Variants in PLEKHA7 observed in about 807,000 individuals in gnomAD.
The protein encoded by PLEKHA7 is pleckstrin homology domain containing A7.
Under a neutral mutation model 170.0 loss-of-function variants are expected in PLEKHA7, and 104 were observed. The ratio of observed to expected loss-of-function variants is 0.61; its 90% CI spans 0.52 to 0.72. The LOEUF (loss-of-function observed/expected upper bound fraction) is 0.72. Ranked by LOEUF, PLEKHA7 falls within the 30% of genes least tolerant of loss-of-function variation. The probability of loss-of-function intolerance (pLI) is 0.00; values close to 1 mark genes in which losing one functional copy is unlikely to be tolerated. For missense variants in PLEKHA7, 1,615 were observed against 1,671.7 expected (o/e 0.97, Z 0.59); for synonymous variants, 648 against 660.8 (o/e 0.98, Z 0.30).
rs1848821815 is a variant in PLEKHA7 at position 16,778,912 on chromosome 11, G to C, written c.*86C>G. On this transcript the variant is annotated 3_prime_UTR_variant, in exon 27 of 27. Coordinates refer to ENST00000531066, the MANE Select transcript of PLEKHA7 (RefSeq NM_001329630.2). ...GCCGGATTCCCTGCTCAGCTGGAAGGGGTTTCCTTGGGGGCAGAAAGGTCA... is the reference window on the plus strand; with the variant it reads ...GCCGGATTCCCTGCTCAGCTGGAAGCGGTTTCCTTGGGGGCAGAAAGGTCA... 2 of 701,806 alleles carry C rather than the reference G, an allele frequency of 2.8e-6. No homozygotes were observed. The highest frequency in any genetic ancestry group is 5.2e-6 in the Non-Finnish European group (2 of 384,558). 43.5% of individuals were successfully genotyped at this position (701,806 alleles called of 1,614,324 possible). A position where few individuals can be genotyped will look rare whatever the true frequency, so the allele number is the denominator to read the frequency against.
At chr11:16,891,378 T>A (rs762950746) in intron 3 of PLEKHA7, among the ~76,000 whole-genome samples, 1 of 152,160 alleles carries the variant, frequency 6.6e-6, no homozygotes, top group Non-Finnish European at 1.5e-5. Flanking sequence ...AGGCCAGGAA[T>A]GCCAAGAATT....
chr11:16,851,064 T>G (rs944712525), intron 8 of PLEKHA7, 127 bp downstream of exon 8: 27 of 603,226 alleles, frequency 4.5e-5, no homozygotes, highest in Admixed American at 7.4e-5. Flanking sequence ...CTTACAACTT[T>G]GTTAACCGGA....
intron 3 of PLEKHA7, among the ~76,000 whole-genome samples, chr11:16,903,127 T>G (rs577920221): frequency 3.3e-5 from 5 of 152,362 alleles, no homozygotes; most frequent in African/African-American, 1.2e-4. Context: ...AATCATGATG[T>G]AAACACCTAG....
rs781190833 is a variant in PLEKHA7, at chr11:17,014,160, C to G, written c.128G>C (p.Gly43Ala). The G allele has an allele frequency of 3.7e-6, 6 of 1,601,862 alleles. No individual in the cohort carries two copies. In the African/African-American group the frequency reaches 6.8e-5, roughly 18 times the overall value. ...RCTTWLHPRT[G>A]EPVNSGHMIR... Reference sequence around the variant, plus strand: ...CATGTGGCCCGAGTTGACGGGCTCCCCGGTGCGCGGATGCAGCCAGGTCGT... The same window carrying G: ...CATGTGGCCCGAGTTGACGGGCTCCGCGGTGCGCGGATGCAGCCAGGTCGT... The change falls in exon 2 of 27, where the codon GGG becomes GCG. Residue 43 changes from glycine to alanine, a missense_variant. Transcript: ENST00000531066.
At chr11:16,888,330 C>T (rs1295666764) in intron 3 of PLEKHA7, among the ~76,000 whole-genome samples, 1 of 14,138 alleles carries the variant, frequency 7.1e-5, no homozygotes, top group Admixed American at 5.4e-4. Flanking sequence ...GCCGGCACCC[C>T]GTCTGGGAGG....
At chr11:16,808,051 T>A (rs1357933554) in intron 13 of PLEKHA7, among the ~76,000 whole-genome samples, 2 of 152,232 alleles carry the variant, frequency 1.3e-5, no homozygotes, top group Non-Finnish European at 1.5e-5. Context: ...GTGGTGCAGA[T>A]CTGGGGTGGG....
At chr11:16,846,558 T>C (rs1356945607) in intron 8 of PLEKHA7, among the ~76,000 whole-genome samples, 1 of 152,134 alleles carries the variant, frequency 6.6e-6, no homozygotes, top group Non-Finnish European at 1.5e-5. Flanking sequence ...TATAAGGCCA[T>C]GTGAGGATGA....
At chr11:16,977,045 C>G (rs1264479582) in intron 3 of PLEKHA7, among the ~76,000 whole-genome samples, 1 of 152,148 alleles carries the variant, frequency 6.6e-6, no homozygotes, top group Non-Finnish European at 1.5e-5. Flanking sequence ...GCACCTCAGC[C>G]AGAGCATCCC....
chr11:16,977,533 G>T (rs1276066012), intron 3 of PLEKHA7, among the ~76,000 whole-genome samples: 1 of 152,134 alleles, frequency 6.6e-6, no homozygotes, highest in Non-Finnish European at 1.5e-5. Flanking sequence ...TCAACCAAAT[G>T]GTTAAATAGA....
chr11:16,881,657 C>T (rs1855724677), intron 3 of PLEKHA7: 1 of 152,230 alleles, frequency 6.6e-6, no homozygotes, highest in African/African-American at 2.4e-5. Context: ...CCTCTAGAAC[C>T]AGGACATAAA....
intron 3 of PLEKHA7, chr11:16,881,554 G>A (rs1855715194): frequency 6.6e-6 from 1 of 152,232 alleles, no homozygotes; most frequent in African/African-American, 2.4e-5. Flanking sequence ...CTGTGGCCAA[G>A]GGGAGCAGTG....
chr11:16,892,435 T>TGTGTGTGTGTGTGTGTG (rs1554964897), intron 3 of PLEKHA7, among the ~76,000 whole-genome samples: 2,938 of 97,420 alleles, frequency 0.03, 68 homozygotes, highest in Non-Finnish European at 0.041. Context: ...TGTGTGTGTG[T>TGTGTGTGTGTGTGTGTG]TTTGTTTTGT....
intron 4 of PLEKHA7, among the ~76,000 whole-genome samples, chr11:16,864,836 G>A (rs1277621359): frequency 1.3e-5 from 2 of 152,170 alleles, no homozygotes; most frequent in African/African-American, 4.8e-5. Context: ...AGCAACATGA[G>A]AACAGACTAA....
chr11:16,961,056 G>A (rs891887703), intron 3 of PLEKHA7, among the ~76,000 whole-genome samples: 1 of 152,190 alleles, frequency 6.6e-6, no homozygotes, highest in Admixed American at 6.5e-5. Context: ...TGCCCAAGAG[G>A]GGGTCTCTGT....
chr11:17,007,167 G>A (rs1232603445), intron 3 of PLEKHA7, among the ~76,000 whole-genome samples: 4 of 152,132 alleles, frequency 2.6e-5, no homozygotes, highest in African/African-American at 9.7e-5. Context: ...ATGGTGTCTT[G>A]GAGTGGGGCA....
chr11:16,837,122 C>G (rs527982291), intron 9 of PLEKHA7, among the ~76,000 whole-genome samples: 1 of 152,146 alleles, frequency 6.6e-6, no homozygotes, highest in East Asian at 1.9e-4. Flanking sequence ...CTGCACCTGG[C>G]CTGTGTTTTT....
Position 17,007,329 on chromosome 11 carries a change from ATTTTTTTTTTGAGACAGAGTT to A in PLEKHA7, c.221+6639_221+6659del, listed in dbSNP as rs1365931078. 3.8e-4 allele frequency among the ~76,000 whole-genome samples: 58 copies of A among 150,792 alleles called. 1 individual carries two copies. Among genetic ancestry groups the A allele is most frequent in the African/African-American group, 1.3e-3 (52 of 41,184 alleles). The stretch of plus-strand genomic sequence containing the variant: ...AGAATTACATTAAATAGAAAAAAAA[ATTTTTTTTTTGAGACAGAGTT>A]TTACTCTTGTTGCCTAGGCTGGAGT... On this transcript the variant is annotated intron_variant, in intron 3 of 26. Transcript: ENST00000531066.
chr11:16,786,123 A>G (rs1849375408), intron 24 of PLEKHA7, 106 bp downstream of exon 24: 3 of 1,330,534 alleles, frequency 2.3e-6, no homozygotes, highest in Non-Finnish European at 2.0e-6. Flanking sequence ...ACTGAAGCTG[A>G]GCCATGTCCC....
At chr11:17,013,329 G>C (rs1000613382) in intron 3 of PLEKHA7, 2 of 152,336 alleles carry the variant, frequency 1.3e-5, no homozygotes, top group African/African-American at 4.8e-5. Context: ...CGGAAAAGTC[G>C]CCCGTGGACT....
Sources: gnomAD v4.1 joint callset for allele counts (sites outside exome capture counted in the v4.1 genomes callset) on GRCh38, gnomAD v4.1.1 for gene constraint, MANE v1.5 for transcripts, NCBI Gene and HGNC (gene_info 2026-07-23, HGNC 2026-07-21) for gene names.